Variants in FECH observed in about 807,000 individuals in gnomAD.
FECH encodes the protein ferrochelatase, also known as ferrochelatase, mitochondrial.
A neutral mutation model predicts 56.9 loss-of-function variants in FECH; 40 were observed. The ratio of observed to expected loss-of-function variants is 0.70; its 90% confidence interval spans 0.55 to 0.92. The LOEUF is 0.92. Among genes scored for constraint, FECH ranks in the 40% least tolerant of loss-of-function variants. FECH has a pLI of 0.00. For synonymous variants in FECH, 175 were observed against 198.6 expected, an observed-to-expected ratio of 0.88 and a Z score of 1.00; for missense variants, 431 against 529.1, an observed-to-expected ratio of 0.81 and a Z score of 1.82.
intron 4 of FECH, among the ~76,000 whole-genome samples, chr18:57,570,613 A>T (rs1461653219): frequency 6.6e-6 from 1 of 152,238 alleles, no homozygotes; most frequent in Non-Finnish European, 1.5e-5. Flanking sequence ...AATGTAATTC[A>T]TGTGTCCTAA....
At chr18:57,577,871 A>G (rs1055051253) in intron 2 of FECH, among the ~76,000 whole-genome samples, 1 of 152,138 alleles carries the variant, frequency 6.6e-6, no homozygotes, top group African/African-American at 2.4e-5. Context: ...CCTGAGCAAC[A>G]CAGTAAGACC....
At position 57,550,579 on chromosome 18, in the gene FECH, T is replaced by G; in HGVS notation, c.*133A>C. 3 of 1,116,762 alleles carry G rather than the reference T, an allele frequency of 2.7e-6. No individual in the cohort carries two copies. The highest frequency in any genetic ancestry group is 2.6e-6 in the Non-Finnish European group (2 of 771,800). The allele number at this position is 1,116,762 out of a possible 1,614,324, so 69.2% of individuals were successfully genotyped here. Reference sequence around the variant, plus strand: ...GTCCAATCCTCAAGAAACCACACAATTTGTACCCAAAGGCTGTATATATAT... The same window carrying G: ...GTCCAATCCTCAAGAAACCACACAAGTTGTACCCAAAGGCTGTATATATAT... On this transcript the variant is annotated 3_prime_UTR_variant, in exon 11 of 11. Coordinates refer to ENST00000262093, the MANE Select transcript of FECH (RefSeq NM_000140.5).
intron 1 of FECH, among the ~76,000 whole-genome samples, chr18:57,585,672 G>T (rs1021980467): frequency 1.3e-5 from 2 of 152,170 alleles, no homozygotes; most frequent in Non-Finnish European, 2.9e-5. Flanking sequence ...ACTGACGAAC[G>T]TCTTAGAAAA....
chr18:57,559,863 A>G (rs111244644), intron 6 of FECH, among the ~76,000 whole-genome samples: 86 of 152,310 alleles, frequency 5.6e-4, no homozygotes, highest in African/African-American at 1.9e-3. Context: ...CCATTCAGTC[A>G]CATCTGTGGA....
In FECH at chr18:57,544,535, G is replaced by C. The variant is rs1044669191; in HGVS notation, c.*6177C>G. On this transcript the variant is annotated 3_prime_UTR_variant, in exon 11 of 11. Transcript: ENST00000262093. ...TTTTGTTGATGTTTACCAAGCTCTC[G>C]CATCTGCAGCCAACCTATGGTTGCA... Among the ~76,000 whole-genome samples the C allele has an allele frequency of 6.6e-6, 1 of 152,174 alleles. No individual in the cohort carries two copies. The highest frequency in any genetic ancestry group is 1.5e-5 in the Non-Finnish European group (1 of 68,038).
chr18:57,572,588 T>G (rs916920810), intron 3 of FECH, among the ~76,000 whole-genome samples: 124 of 63,090 alleles, frequency 2.0e-3, no homozygotes, highest in South Asian at 3.9e-3. Flanking sequence ...TGTAACGAAG[T>G]GGGGGGGGGG....
Position 57,549,242 on chromosome 18 carries a change from T to C in FECH, c.*1470A>G, listed in dbSNP as rs947741418. 4 of 152,200 alleles carry C rather than the reference T, an allele frequency of 2.6e-5. No homozygotes were observed. Among genetic ancestry groups the C allele is most frequent in the African/African-American group, 7.2e-5 (3 of 41,456 alleles). 9.4% of individuals were successfully genotyped at this position (152,200 alleles called of 1,614,324 possible). Reference sequence around the variant, plus strand: ...TTAACTCAAGTGGATGACATGTTTCTTTTCCTGTATTAAAAAAGCTCCTCA... The same window carrying C: ...TTAACTCAAGTGGATGACATGTTTCCTTTCCTGTATTAAAAAAGCTCCTCA... On this transcript the variant is annotated 3_prime_UTR_variant, in exon 11 of 11. Transcript: ENST00000262093.
rs1598975649 is a variant in FECH, at chr18:57,550,639, T to C, written c.*73A>G. 5 of 1,595,324 alleles carry C rather than the reference T, an allele frequency of 3.1e-6. No homozygotes were observed. In the East Asian group the frequency reaches 1.1e-4, roughly 36 times the overall value. Reference sequence around the variant, plus strand: ...ATGACTTCCTTCCTTGATCTCTAAATAACACCCTCTCCACATCGGAGGTAT... The same window carrying C: ...ATGACTTCCTTCCTTGATCTCTAAACAACACCCTCTCCACATCGGAGGTAT... On this transcript the variant is annotated 3_prime_UTR_variant, in exon 11 of 11. Transcript: ENST00000262093.
chr18:57,573,066 CT>C, intron 3 of FECH, 179 bp downstream of exon 3: 1 of 670,590 alleles, frequency 1.5e-6, no homozygotes. Flanking sequence ...AACTTATTTG[CT>C]CTCTCCCCCT....
At chr18:57,557,190 A>C (rs2050879544) in intron 7 of FECH, among the ~76,000 whole-genome samples, 1 of 152,174 alleles carries the variant, frequency 6.6e-6, no homozygotes, top group Non-Finnish European at 1.5e-5. Context: ...GGCTGAGTAG[A>C]GGGTATATGT....
At chr18:57,558,794 G>A (rs865799678) in intron 7 of FECH, among the ~76,000 whole-genome samples, 4 of 152,078 alleles carry the variant, frequency 2.6e-5, no homozygotes, top group African/African-American at 9.7e-5. Context: ...GGTGGTGGGT[G>A]CCTGTAATCC....
intron 2 of FECH, among the ~76,000 whole-genome samples, chr18:57,577,506 T>C (rs2051200573): frequency 6.6e-6 from 1 of 152,186 alleles, no homozygotes; most frequent in Non-Finnish European, 1.5e-5. Flanking sequence ...GCCTTCATAA[T>C]GACTGCCATC....
Position 57,546,133 on chromosome 18 carries a change from C to T in FECH, c.*4579G>A, listed in dbSNP as rs1324795696. Among the ~76,000 whole-genome samples, 2 of 152,174 alleles carry T rather than the reference C, an allele frequency of 1.3e-5. No individual in the cohort carries two copies. The highest frequency in any genetic ancestry group is 2.4e-5 in the African/African-American group (1 of 41,434). ...CATCTCAATGAATTTCCCATTTCCA[C>T]CTAACGTTAGGAGCCCTGTTCCTGG... On this transcript the variant is annotated 3_prime_UTR_variant, in exon 11 of 11. Transcript: ENST00000262093.
chr18:57,573,065 G>A, intron 3 of FECH, 181 bp downstream of exon 3: 1 of 665,812 alleles, frequency 1.5e-6, no homozygotes, highest in Non-Finnish European at 2.6e-6. Flanking sequence ...TAACTTATTT[G>A]CTCTCTCCCC....
intron 7 of FECH, among the ~76,000 whole-genome samples, chr18:57,556,449 G>A (rs1000628782): frequency 5.3e-5 from 8 of 152,150 alleles, no homozygotes; most frequent in Non-Finnish European, 7.4e-5. Context: ...AGAAAAGCAC[G>A]CTGGCATCAC....
chr18:57,581,404 T>A (rs1413895539), intron 1 of FECH, among the ~76,000 whole-genome samples: 1 of 152,184 alleles, frequency 6.6e-6, no homozygotes, highest in Non-Finnish European at 1.5e-5. Flanking sequence ...TGAAGCCATA[T>A]AGGAAGTACT....
rs1475243160 is a variant in FECH, at chr18:57,548,279, T to C, written c.*2433A>G. On this transcript the variant is annotated 3_prime_UTR_variant, in exon 11 of 11. Transcript: ENST00000262093. ...AAAAAAAAAAAACAAAACAAAACAATGAGTTCATTTCTCCTGATACGAAGC... is the reference window on the plus strand; with the variant it reads ...AAAAAAAAAAAACAAAACAAAACAACGAGTTCATTTCTCCTGATACGAAGC... 2.0e-5 allele frequency: 3 copies of C among 147,048 alleles called. No homozygotes were observed. The highest frequency in any genetic ancestry group is 4.5e-5 in the Non-Finnish European group (3 of 67,006). 9.1% of individuals were successfully genotyped at this position (147,048 alleles called of 1,614,324 possible).
chr18:57,572,418 G>T (rs559997063), intron 3 of FECH, among the ~76,000 whole-genome samples: 6 of 151,066 alleles, frequency 4.0e-5, no homozygotes, highest in East Asian at 2.0e-4. Flanking sequence ...ATCGTGGAGT[G>T]GGGGGAGAGG....
chr18:57,577,160 GAC>G (rs1432820121), intron 2 of FECH, among the ~76,000 whole-genome samples: 1 of 152,160 alleles, frequency 6.6e-6, no homozygotes, highest in East Asian at 1.9e-4. Context: ...AAACCTCTAA[GAC>G]ATGATTGGCC....
Sources: allele counts gnomAD v4.1 joint callset (sites outside exome capture counted in the v4.1 genomes callset), GRCh38; gene constraint gnomAD v4.1.1; transcripts MANE v1.5; gene names NCBI Gene and HGNC (gene_info 2026-07-23, HGNC 2026-07-21).